The following INTS9 variants were observed in gnomAD, a reference collection of about 807,000 sequenced individuals.
INTS9 encodes integrator complex subunit 9, also known as protein related to CPSF subunits of 74 kDa.
INTS9 carries 55 observed loss-of-function variants against 79.7 expected under a neutral mutation model. The ratio of observed to expected loss-of-function variants is 0.69; its 90% CI spans 0.56 to 0.86. The LOEUF (loss-of-function observed/expected upper bound fraction) is 0.86. Among genes scored for constraint, INTS9 ranks in the 40% least tolerant of loss-of-function variants. The probability of loss-of-function intolerance (pLI) is 0.00; values close to 1 mark genes in which losing one functional copy is unlikely to be tolerated. For synonymous variants in INTS9, 319 were observed against 325.2 expected (o/e 0.98, Z 0.20); for missense variants, 721 against 831.5 (o/e 0.87, Z 1.64).
chr8:28,839,009 G>A (rs1806994757), intron 4 of INTS9, among the ~76,000 whole-genome samples: 1 of 152,178 alleles, frequency 6.6e-6, no homozygotes. Flanking sequence ...ATGGTTCAGA[G>A]ACAACCTGTC....
intron 10 of INTS9, among the ~76,000 whole-genome samples, chr8:28,792,562 A>AT (rs953226753): frequency 6.6e-6 from 1 of 151,920 alleles, no homozygotes; most frequent in African/African-American, 2.4e-5. Context: ...CAAAAAAAAA[A>AT]ATTTGTGGAA....
intron 8 of INTS9, among the ~76,000 whole-genome samples, chr8:28,799,116 G>A (rs374116459): frequency 2.6e-5 from 4 of 152,264 alleles, no homozygotes; most frequent in South Asian, 2.1e-4. Flanking sequence ...CCAACATAGC[G>A]AAACCCAGTC....
chr8:28,829,686 T>C (rs538098681), intron 6 of INTS9, among the ~76,000 whole-genome samples: 6 of 152,276 alleles, frequency 3.9e-5, no homozygotes, highest in African/African-American at 1.4e-4. Context: ...AATTCAAAAA[T>C]TAGGGGCTCA....
At chr8:28,796,082 G>A (rs1563256770) in intron 9 of INTS9, among the ~76,000 whole-genome samples, 1 of 152,182 alleles carries the variant, frequency 6.6e-6, no homozygotes, top group Non-Finnish European at 1.5e-5. Flanking sequence ...GGCCAAAGCG[G>A]GCGGATTGCC....
At chr8:28,865,455 G>C (rs1036743044) in intron 1 of INTS9, among the ~76,000 whole-genome samples, 5 of 145,558 alleles carry the variant, frequency 3.4e-5, no homozygotes, top group African/African-American at 1.3e-4. Context: ...CTGGGCAACA[G>C]AGCTAGACCC....
rs183609927 is a variant in INTS9 at position 28,844,076 on chromosome 8, C to T, written c.261+2671G>A. On this transcript the variant is annotated intron_variant, in intron 4 of 16. Transcript: ENST00000521022. Reference sequence around the variant, plus strand: ...GACTGGCATCACATGGTGTTTTAAGCGGATACTTGAGCTCCCCACAACAGC... The same window carrying T: ...GACTGGCATCACATGGTGTTTTAAGTGGATACTTGAGCTCCCCACAACAGC... Among the ~76,000 whole-genome samples the T allele has an allele frequency of 3.0e-4, 45 of 152,256 alleles. 2 individuals are homozygous for T. Among genetic ancestry groups the T allele is most frequent in the Admixed American group, 2.6e-4 (4 of 15,302 alleles).
intron 1 of INTS9, among the ~76,000 whole-genome samples, chr8:28,873,678 C>T (rs1173600209): frequency 2.0e-5 from 3 of 152,142 alleles, no homozygotes; most frequent in Non-Finnish European, 2.9e-5. Context: ...TGTATGTATG[C>T]TTGAAGCTTA....
At chr8:28,823,812 T>A (rs1254002756) in intron 6 of INTS9, among the ~76,000 whole-genome samples, 1 of 152,182 alleles carries the variant, frequency 6.6e-6, no homozygotes, top group African/African-American at 2.4e-5. Flanking sequence ...CCTAATAATC[T>A]TATATGGCCG....
intron 6 of INTS9, among the ~76,000 whole-genome samples, chr8:28,822,037 G>T (rs1158873438): frequency 1.3e-5 from 2 of 152,158 alleles, no homozygotes; most frequent in Non-Finnish European, 2.9e-5. Flanking sequence ...AAAGTGCTGG[G>T]ATTATGGGCA....
intron 6 of INTS9, among the ~76,000 whole-genome samples, chr8:28,827,994 C>T (rs1205324381): frequency 6.6e-6 from 1 of 152,170 alleles, no homozygotes; most frequent in African/African-American, 2.4e-5. Flanking sequence ...GGCTAATCAA[C>T]TCCGAGTGAA....
chr8:28,800,443 A>G lies in INTS9; in HGVS notation c.745-3788T>C, dbSNP rs1343315160. 2.0e-5 allele frequency among the ~76,000 whole-genome samples: 3 copies of G among 152,194 alleles called. No homozygotes were observed. The South Asian group carries it at 6.2e-4, about 32-fold the overall frequency. ...GAGTGCAATTGGTAAAGGGCCAAAA[A>G]GGTCAGGATCATGCCCACTGACAGA... On this transcript the variant is annotated intron_variant, in intron 8 of 16. Coordinates refer to ENST00000521022, the MANE Select transcript of INTS9 (RefSeq NM_018250.4).
At chr8:28,800,382 G>C (rs567160488) in intron 8 of INTS9, among the ~76,000 whole-genome samples, 1 of 152,154 alleles carries the variant, frequency 6.6e-6, no homozygotes, top group Non-Finnish European at 1.5e-5. Flanking sequence ...AGGATGGAGA[G>C]TGTACTTTGG....
At chr8:28,842,059 C>T (rs141514074) in intron 4 of INTS9, among the ~76,000 whole-genome samples, 6 of 152,156 alleles carry the variant, frequency 3.9e-5, no homozygotes, top group South Asian at 2.1e-4. Flanking sequence ...TCACACTTCA[C>T]GCTGGGCAAT....
intron 2 of INTS9, 70 bp from the exon 3 acceptor site, chr8:28,850,343 T>C (rs187306451): frequency 1.7e-4 from 214 of 1,233,776 alleles, no homozygotes; most frequent in Admixed American, 3.6e-4. Flanking sequence ...CATGGTAACT[T>C]ACTGTCTCCA....
In INTS9 at chr8:28,768,207, T is replaced by G. The variant is rs764380381; in HGVS notation, c.1916A>C (p.Asn639Thr). The G allele has an allele frequency of 4.3e-6, 7 of 1,614,066 alleles. No homozygotes were observed. The African/African-American group carries it at 9.3e-5, about 22-fold the overall frequency. The change falls in exon 17 of 17, where the codon AAT becomes ACT. Residue 639 changes from asparagine to threonine, a missense_variant. Around this residue, in one of 3 missense-constraint regions of INTS9, gnomAD observed 281 missense variants for 300.8 expected, o/e 0.93. Coordinates refer to ENST00000521022, the MANE Select transcript of INTS9 (RefSeq NM_018250.4). ...CAGTCGCACTCTGAGCATCTCGTCA[T>G]TGTCGCAGATGATATGGGTCGAGTC... ...EEDSTHIICD[N>T]DEMLRVRLRD...
At position 28,871,943 on chromosome 8, in the gene INTS9, A is replaced by G. The variant is rs138011765; in HGVS notation, c.10-12380T>C. 5.0e-4 allele frequency among the ~76,000 whole-genome samples: 76 copies of G among 152,374 alleles called. 1 individual carries two copies. The East Asian group carries it at 0.012, about 24-fold the overall frequency. On this transcript the variant is annotated intron_variant, in intron 1 of 16. Transcript: ENST00000521022. ...GAAAAATGTGCAAAAAGCACAGTCA[A>G]TTCATGAAATACAAATGAGTGAAAA... is the stretch of plus-strand genomic sequence containing the variant.
chr8:28,865,990 G>C (rs1299561459), intron 1 of INTS9, among the ~76,000 whole-genome samples: 4 of 151,370 alleles, frequency 2.6e-5, no homozygotes, highest in Non-Finnish European at 5.9e-5. Flanking sequence ...ATTTTCTTCA[G>C]ATTTATCTTA....
intron 2 of INTS9, 48 bp from the exon 3 acceptor site, chr8:28,850,321 C>A (rs769255655): frequency 1.4e-6 from 2 of 1,455,670 alleles, no homozygotes; most frequent in South Asian, 1.2e-5. Flanking sequence ...AGATTATAAT[C>A]CTCAATGACT....
At chr8:28,802,981 G>A (rs903230198) in intron 8 of INTS9, among the ~76,000 whole-genome samples, 2 of 151,706 alleles carry the variant, frequency 1.3e-5, no homozygotes, top group African/African-American at 4.9e-5. Flanking sequence ...CAGATGTGCT[G>A]GTGCACTGTA....
Sources: allele counts gnomAD v4.1 joint callset (sites outside exome capture counted in the v4.1 genomes callset), GRCh38; gene constraint gnomAD v4.1.1; regional missense constraint gnomAD v4.1.1; transcripts MANE v1.5; gene names NCBI Gene and HGNC (gene_info 2026-07-23, HGNC 2026-07-21).